The following FAM227A variants were observed in gnomAD, a reference collection of about 807,000 sequenced individuals.
FAM227A encodes the protein protein FAM227A.
Under a neutral mutation model 74.7 loss-of-function variants are expected in FAM227A, and 80 were observed. The observed-to-expected ratio is 1.07, with a 90% CI of 0.89 to 1.29. The LOEUF is 1.29. FAM227A is among the 50% of genes most tolerant of loss of function. FAM227A has a pLI of 0.00. For synonymous variants in FAM227A, 237 were observed against 241.8 expected (o/e 0.98, Z 0.19); for missense variants, 654 against 683.4 (o/e 0.96, Z 0.48).
chr22:38,607,698 G>A (rs2091315055), intron 11 of FAM227A, among the ~76,000 whole-genome samples: 2 of 152,178 alleles, frequency 1.3e-5, no homozygotes, highest in Admixed American at 1.3e-4. Context: ...GGGACCCAGG[G>A]CAACCAGGGT....
intron 11 of FAM227A, among the ~76,000 whole-genome samples, chr22:38,612,536 C>T (rs572962842): frequency 6.6e-6 from 1 of 152,306 alleles, no homozygotes; most frequent in Non-Finnish European, 1.5e-5. Flanking sequence ...TTACTTGTTA[C>T]ATGTGTGCTT....
At chr22:38,605,382 T>C in intron 12 of FAM227A, 34 bp from the exon 13 acceptor site, 2 of 1,311,504 alleles carry the variant, frequency 1.5e-6, no homozygotes, top group Non-Finnish European at 2.2e-6. Flanking sequence ...AAATGACCAT[T>C]AGGTTCAAGC....
intron 8 of FAM227A, 30 bp downstream of exon 8, chr22:38,628,208 C>CT (rs1439857576): frequency 7.5e-7 from 1 of 1,341,110 alleles, no homozygotes; most frequent in African/African-American, 1.5e-5. Context: ...TCTAATGTGA[C>CT]TTTTTTTCTA....
chr22:38,582,546 C>G lies in FAM227A; in HGVS notation c.*3579G>C, dbSNP rs772746325. 2.0e-6 allele frequency: 2 copies of G among 999,520 alleles called. No homozygotes were observed. The highest frequency in any genetic ancestry group is 2.9e-6 in the Non-Finnish European group (2 of 689,866). 61.9% of individuals were successfully genotyped at this position (999,520 alleles called of 1,614,324 possible). A position where few individuals can be genotyped will look rare whatever the true frequency, so the allele number is the denominator to read the frequency against. On this transcript the variant is annotated 3_prime_UTR_variant, in exon 17 of 17. Transcript: ENST00000535113. ...CAAATAATTCTTCCCCATAATTTTC[C>G]CTTCTAATGTTTACAAAGGGCAGAG... is the stretch of plus-strand genomic sequence containing the variant.
chr22:38,586,096 C>T lies in FAM227A; in HGVS notation c.*29G>A, dbSNP rs576539997. On this transcript the variant is annotated 3_prime_UTR_variant, in exon 17 of 17. Transcript: ENST00000535113. Reference sequence around the variant, plus strand: ...GCAGAAATATCACGGATTCTGTAGGCGCTTCCTGGTTCTAGGTTGTGGAGC... The same window carrying T: ...GCAGAAATATCACGGATTCTGTAGGTGCTTCCTGGTTCTAGGTTGTGGAGC... 10 of 1,551,920 alleles carry T rather than the reference C, an allele frequency of 6.4e-6. No individual in the cohort carries two copies. In the South Asian group the frequency reaches 7.1e-5, roughly 11 times the overall value.
At chr22:38,617,842 T>C (rs974598902) in intron 11 of FAM227A, among the ~76,000 whole-genome samples, 2 of 152,040 alleles carry the variant, frequency 1.3e-5, no homozygotes, top group African/African-American at 4.8e-5. Context: ...TAAAAATTCA[T>C]GGTGACATGT....
chr22:38,654,038 G>C (rs962723208), intron 1 of FAM227A, among the ~76,000 whole-genome samples: 3 of 152,138 alleles, frequency 2.0e-5, no homozygotes. Context: ...TAAAGGAGGA[G>C]CACAAGTTAA....
intron 6 of FAM227A, among the ~76,000 whole-genome samples, chr22:38,633,225 G>A (rs898107509): frequency 3.9e-5 from 6 of 152,220 alleles, no homozygotes; most frequent in Admixed American, 6.5e-5. Context: ...TTTGCTTTGA[G>A]TTTCCTGGGA....
chr22:38,612,634 G>T (rs916478829), intron 11 of FAM227A, among the ~76,000 whole-genome samples: 1 of 152,176 alleles, frequency 6.6e-6, no homozygotes, highest in Admixed American at 6.6e-5. Flanking sequence ...GGCTCTACCT[G>T]CAGATGCACC....
rs1569230460 is a variant in FAM227A, at chr22:38,636,564, A to G, written c.406T>C (p.Tyr136His). The G allele has an allele frequency of 1.9e-6, 3 of 1,551,656 alleles. No homozygotes were observed. Among genetic ancestry groups the G allele is most frequent in the Non-Finnish European group, 2.6e-6 (3 of 1,146,980 alleles). ...TADKNLLAEL[Y>H]QYSNFNSSKP... The stretch of plus-strand genomic sequence containing the variant: ...GAGCTGTTGAAGTTGGAATACTGGT[A>G]CAGCTCTGCCAGCAGATTTTTATCT... The change falls in exon 6 of 17, where the codon TAC becomes CAC. Residue 136 changes from tyrosine (Y) to histidine (H), a missense_variant. Transcript: ENST00000535113.
In FAM227A at chr22:38,620,199, C is replaced by A. The variant is rs2091658156; in HGVS notation, c.1038+13G>T. 6.5e-6 allele frequency: 10 copies of A among 1,545,854 alleles called. No individual in the cohort carries two copies. The East Asian group carries it at 9.8e-5, about 15-fold the overall frequency. On this transcript the variant is annotated intron_variant, in intron 11 of 16. Transcript: ENST00000535113. ...GACTCCAAAGGGGTCCTGGTCCGTGCCTCCCCACTTACCTGAGGGTGGTAG... is the reference window on the plus strand; with the variant it reads ...GACTCCAAAGGGGTCCTGGTCCGTGACTCCCCACTTACCTGAGGGTGGTAG...
intron 16 of FAM227A, among the ~76,000 whole-genome samples, chr22:38,589,891 G>A (rs1042047370): frequency 2.0e-5 from 3 of 151,980 alleles, no homozygotes; most frequent in Non-Finnish European, 4.4e-5. Context: ...GCTTCAGCTC[G>A]GGAGTTCGAG....
chr22:38,636,716 A>G, intron 5 of FAM227A, 119 bp from the exon 6 acceptor site: 2 of 918,686 alleles, frequency 2.2e-6, no homozygotes, highest in Non-Finnish European at 3.1e-6. Context: ...TGTTGAGAAA[A>G]TGAGGGGTGT....
rs937645297 is a variant in FAM227A at position 38,580,065 on chromosome 22, C to T, written c.*6060G>A. ...CCTCCCAAGTAGCTAGGACTACAGG[C>T]GTATGCCACCTTGCTCTGCTAATTT... On this transcript the variant is annotated 3_prime_UTR_variant, in exon 17 of 17. Transcript: ENST00000535113. 4.6e-5 allele frequency: 7 copies of T among 151,442 alleles called. No individual in the cohort carries two copies. In the East Asian group the frequency reaches 9.8e-4, roughly 21 times the overall value. The allele number at this position is 151,442 out of a possible 1,614,324, so 9.4% of individuals were successfully genotyped here.
chr22:38,582,978 A>T lies in FAM227A; in HGVS notation c.*3147T>A. The T allele has an allele frequency of 6.5e-7, 1 of 1,548,316 alleles. No homozygotes were observed. The highest frequency in any genetic ancestry group is 8.7e-7 in the Non-Finnish European group (1 of 1,145,404). On this transcript the variant is annotated 3_prime_UTR_variant, in exon 17 of 17. Coordinates refer to ENST00000535113, the MANE Select transcript of FAM227A (RefSeq NM_001013647.2). ...TAACAAAGAGGAGGGAGGAGAAGGC[A>T]TTTTCAGGTCCAGAAGCAGCAACAG...
At chr22:38,636,086 AGGAG>A (rs928316373) in intron 6 of FAM227A, among the ~76,000 whole-genome samples, 1 of 147,320 alleles carries the variant, frequency 6.8e-6, no homozygotes, top group African/African-American at 2.6e-5. Flanking sequence ...AAAGGAAGGA[AGGAG>A]GGAGGGAAGA....
At chr22:38,622,600 G>A (rs1415241019) in intron 10 of FAM227A, among the ~76,000 whole-genome samples, 1 of 152,150 alleles carries the variant, frequency 6.6e-6, no homozygotes, top group Non-Finnish European at 1.5e-5. Flanking sequence ...GGCTGGCCAG[G>A]CATGGTGGCT....
intron 12 of FAM227A, 37 bp downstream of exon 12, chr22:38,607,352 C>T (rs1292528094): frequency 6.8e-7 from 1 of 1,465,710 alleles, no homozygotes; most frequent in South Asian, 1.2e-5. Context: ...ATAACTAAGC[C>T]AAAAGCCTAC....
chr22:38,583,133 C>T lies in FAM227A; in HGVS notation c.*2992G>A, dbSNP rs2090736041. 3 of 581,248 alleles carry T rather than the reference C, an allele frequency of 5.2e-6. No individual in the cohort carries two copies. Among genetic ancestry groups the T allele is most frequent in the East Asian group, 3.0e-5 (1 of 32,890 alleles). 36.0% of individuals were successfully genotyped at this position (581,248 alleles called of 1,614,324 possible). A position where few individuals can be genotyped will look rare whatever the true frequency, so the allele number is the denominator to read the frequency against. On this transcript the variant is annotated 3_prime_UTR_variant, in exon 17 of 17. Coordinates refer to ENST00000535113, the MANE Select transcript of FAM227A (RefSeq NM_001013647.2). Reference sequence around the variant, plus strand: ...TCTGCCCCACATGGTGCCTTGTACTCGGCAGGTGCTCACACGTTCTGGTTT... The same window carrying T: ...TCTGCCCCACATGGTGCCTTGTACTTGGCAGGTGCTCACACGTTCTGGTTT...
Sources: gnomAD v4.1 joint callset for allele counts (sites outside exome capture counted in the v4.1 genomes callset) on GRCh38, gnomAD v4.1.1 for gene constraint, MANE v1.5 for transcripts, NCBI Gene and HGNC (gene_info 2026-07-23, HGNC 2026-07-21) for gene names.